Variants in GUCY2F observed in about 807,000 individuals in gnomAD.
The protein encoded by GUCY2F is retinal guanylyl cyclase 2.
GUCY2F carries 61 observed loss-of-function variants against 73.1 expected under a neutral mutation model. The ratio of observed to expected loss-of-function variants is 0.83; its 90% CI spans 0.68 to 1.03. The LOEUF (loss-of-function observed/expected upper bound fraction) is 1.03, where lower values mean the gene tolerates loss of function less well. Ranked by LOEUF, GUCY2F falls within the 50% of genes least tolerant of loss-of-function variation. The probability of loss-of-function intolerance (pLI) is 0.00; values close to 1 mark genes in which losing one functional copy is unlikely to be tolerated. For missense variants in GUCY2F, 912 were observed against 854.3 expected, an observed-to-expected ratio of 1.07 and a Z score of -0.84; for synonymous variants, 331 against 307.8, an observed-to-expected ratio of 1.08 and a Z score of -0.79.
rs1325988538 is a variant in GUCY2F at position 109,441,417 on chromosome X, T to A, written c.1635A>T (p.Arg545Ser). Residue 545 changes from arginine (R) to serine (S), a missense_variant, in exon 7 of 20, where the codon AGA (arginine) becomes AGT (serine). Coordinates refer to ENST00000218006, the MANE Select transcript of GUCY2F (RefSeq NM_001522.3). Reference protein sequence around the residue: ...TSEVQSGRSPRLSFSSGSLTP... With the variant: ...TSEVQSGRSPSLSFSSGSLTP... ...TTAGACTCCCTGAAGAAAAGGAGAGTCTTGGGGACCTCCCACTTTGGACCT... is the reference window on the plus strand; with the variant it reads ...TTAGACTCCCTGAAGAAAAGGAGAGACTTGGGGACCTCCCACTTTGGACCT... 1 of 1,158,555 alleles carries A rather than the reference T, an allele frequency of 8.6e-7. No homozygotes were observed. Among genetic ancestry groups the A allele is most frequent in the Non-Finnish European group, 1.2e-6 (1 of 854,116 alleles).
intron 5 of GUCY2F, among the ~76,000 whole-genome samples, chrX:109,448,877 C>T (rs1465187548): frequency 8.9e-6 from 1 of 112,139 alleles, no homozygotes; most frequent in East Asian, 2.8e-4. Flanking sequence ...ATTACAGACA[C>T]AGTTTAAACC....
rs1295462958 is a variant in GUCY2F at position 109,465,257 on chromosome X, TC to T, written c.916del (p.Glu306LysfsTer7). Reference sequence around the variant, plus strand: ...AATGGTCAACACTGCATCATAGGCTTCCCGGAGCTTTGGGTTGTTCCTTAGG... The same window carrying T: ...AATGGTCAACACTGCATCATAGGCTTCCGGAGCTTTGGGTTGTTCCTTAGG... The part of the protein sequence containing the change: ...RVLRNNPKLR[E>X]AYDAVLTITV... On this transcript the variant is annotated frameshift_variant, in exon 3 of 20. Transcript: ENST00000218006. LOFTEE classifies it high-confidence loss of function. 1 of 1,207,808 alleles carries T rather than the reference TC, an allele frequency of 8.3e-7. No individual in the cohort carries two copies. The highest frequency in any genetic ancestry group is 3.0e-5 in the East Asian group (1 of 33,758).
At position 109,376,136 on chromosome X, in the gene GUCY2F, A is replaced by G. The variant is rs746270884; in HGVS notation, c.3182T>C (p.Ile1061Thr). Reference protein sequence around the residue: ...GKGTEETFWLIGKKGFMKPLP... With the variant: ...GKGTEETFWLTGKKGFMKPLP... ...GGGCTTCATGAAGCCTTTTTTCCCA[A>G]TCAGCCAGAAGGTTTCCTCTGTGCC... The change falls in exon 18 of 20, where the codon ATT (isoleucine) becomes ACT (threonine). Residue 1061 changes from isoleucine (I) to threonine (T), a missense_variant. By Grantham distance (89) the Ile-to-Thr change is moderately conservative (BLOSUM62 -1). Transcript: ENST00000218006. The G allele has an allele frequency of 1.7e-6, 2 of 1,202,514 alleles. No individual in the cohort carries two copies. The highest frequency in any genetic ancestry group is 5.9e-5 in the East Asian group (2 of 33,795).
At chrX:109,435,751 A>G (rs1931729352) in intron 7 of GUCY2F, among the ~76,000 whole-genome samples, 1 of 111,538 alleles carries the variant, frequency 9.0e-6, no homozygotes, top group Admixed American at 9.5e-5. Context: ...TCAGTATGAT[A>G]TTGGCTGTGG....
chrX:109,476,723 AAGATAGATAGATAGATAGAT>A (rs3831757), intron 1 of GUCY2F, among the ~76,000 whole-genome samples: 7 of 96,468 alleles, frequency 7.3e-5, no homozygotes, highest in South Asian at 5.0e-4. Context: ...CCCAGAGGTA[AAGATAGATAGATAGATAGAT>A]AGATAGATAG....
At chrX:109,436,213 T>C (rs1217073397) in intron 7 of GUCY2F, among the ~76,000 whole-genome samples, 2 of 111,768 alleles carry the variant, frequency 1.8e-5, no homozygotes, top group African/African-American at 6.5e-5. Context: ...ATCAGAGAAA[T>C]GCAAATCAAA....
intron 8 of GUCY2F, among the ~76,000 whole-genome samples, chrX:109,428,545 T>C (rs1199220812): frequency 8.9e-6 from 1 of 111,768 alleles, no homozygotes; most frequent in East Asian, 2.8e-4. Context: ...TAAAAAGATA[T>C]GACAGCAAAC....
At chrX:109,455,389 A>G (rs1032531582) in intron 3 of GUCY2F, among the ~76,000 whole-genome samples, 1 of 111,888 alleles carries the variant, frequency 8.9e-6, no homozygotes, top group Non-Finnish European at 1.9e-5. Context: ...CATCTTGTCT[A>G]ACTATCTTAC....
At position 109,398,612 on chromosome X, in the gene GUCY2F, T is replaced by C; in HGVS notation, c.2212A>G (p.Ile738Val). 2 of 1,208,314 alleles carry C rather than the reference T, an allele frequency of 1.7e-6. No individual in the cohort carries two copies. The highest frequency in any genetic ancestry group is 2.2e-6 in the Non-Finnish European group (2 of 892,393). ...SFAGDVYSFA[I>V]IMQEVMVRGT... The stretch of plus-strand genomic sequence containing the variant: ...CGGACCATCACTTCTTGCATGATGA[T>C]GGCAAAGCTATAGACATCTCCTGCA... Residue 738 changes from isoleucine (I) to valine (V), a missense_variant, in exon 11 of 20, where the codon ATC becomes GTC. By Grantham distance (29) the Ile-to-Val change is conservative (BLOSUM62 3). Coordinates refer to ENST00000218006, the MANE Select transcript of GUCY2F (RefSeq NM_001522.3).
chrX:109,437,278 A>G (rs1197012323), intron 7 of GUCY2F, among the ~76,000 whole-genome samples: 1 of 111,746 alleles, frequency 8.9e-6, no homozygotes, highest in Non-Finnish European at 1.9e-5. Context: ...CTCCTTTTGT[A>G]AAAATAAAGT....
intron 8 of GUCY2F, among the ~76,000 whole-genome samples, chrX:109,418,593 A>C (rs1038607499): frequency 1.8e-5 from 2 of 112,010 alleles, no homozygotes; most frequent in Non-Finnish European, 3.8e-5. Flanking sequence ...TAATTACTTC[A>C]AGCTGAAAGG....
intron 12 of GUCY2F, among the ~76,000 whole-genome samples, chrX:109,394,019 G>A (rs1285389138): frequency 8.9e-6 from 1 of 111,880 alleles, no homozygotes; most frequent in Non-Finnish European, 1.9e-5. Context: ...AAAGTCCTGA[G>A]GATAACCTCG....
intron 1 of GUCY2F, among the ~76,000 whole-genome samples, chrX:109,481,139 G>C (rs1393413634): frequency 1.8e-5 from 2 of 108,556 alleles, no homozygotes; most frequent in Non-Finnish European, 3.8e-5. Flanking sequence ...GGGCAAGATA[G>C]GGGGAGGATG....
At chrX:109,461,487 T>C (rs760528497) in intron 3 of GUCY2F, among the ~76,000 whole-genome samples, 1 of 112,413 alleles carries the variant, frequency 8.9e-6, no homozygotes, top group South Asian at 3.7e-4. Context: ...TAGAAATCTC[T>C]ATTTCATTGA....
At chrX:109,464,349 A>G (rs1195631641) in intron 3 of GUCY2F, among the ~76,000 whole-genome samples, 3 of 112,025 alleles carry the variant, frequency 2.7e-5, no homozygotes, top group African/African-American at 9.8e-5. Context: ...ATGCCTATAC[A>G]TACATTTATC....
intron 11 of GUCY2F, 83 bp downstream of exon 11, chrX:109,398,466 C>A: frequency 3.3e-6 from 3 of 907,535 alleles, no homozygotes; most frequent in Non-Finnish European, 4.7e-6. Context: ...TAACACTCTT[C>A]TGGAAAATCA....
chrX:109,437,044 G>A (rs758601476), intron 7 of GUCY2F, among the ~76,000 whole-genome samples: 30 of 110,159 alleles, frequency 2.7e-4, no homozygotes, highest in Non-Finnish European at 2.9e-4. Context: ...TAGACAATGG[G>A]TCTTCTTTAA....
intron 8 of GUCY2F, among the ~76,000 whole-genome samples, chrX:109,411,654 C>T (rs186250097): frequency 3.6e-5 from 4 of 111,267 alleles, no homozygotes; most frequent in African/African-American, 6.5e-5. Context: ...CAGTTGGAGA[C>T]GTATTGAGAA....
intron 9 of GUCY2F, among the ~76,000 whole-genome samples, chrX:109,405,164 T>C (rs1308065077): frequency 1.8e-5 from 2 of 111,926 alleles, no homozygotes; most frequent in Non-Finnish European, 3.8e-5. Flanking sequence ...AAGTGAAATA[T>C]AGTAATTACA....
Sources: allele counts gnomAD v4.1 joint callset (sites outside exome capture counted in the v4.1 genomes callset), GRCh38; gene constraint gnomAD v4.1.1; transcripts MANE v1.5; gene names NCBI Gene and HGNC (gene_info 2026-07-23, HGNC 2026-07-21).